Variants in CDK17 observed in about 807,000 individuals in gnomAD.
CDK17 encodes cyclin dependent kinase 17.
In CDK17, 24 loss-of-function variants were observed where a neutral mutation model predicts 77.6. The observed-to-expected ratio is 0.31, with a 90% CI of 0.22 to 0.44. The LOEUF (loss-of-function observed/expected upper bound fraction) is 0.44, where lower values mean the gene tolerates loss of function less well. Ranked by LOEUF, CDK17 falls within the 20% of genes least tolerant of loss-of-function variation. The pLI is 1.00. For synonymous variants in CDK17, 203 were observed against 210.4 expected (o/e 0.96, Z 0.30); for missense variants, 429 against 622.5 (o/e 0.69, Z 3.31).
chr12:96,297,031 T>C (rs1055719682), intron 9 of CDK17, among the ~76,000 whole-genome samples: 2 of 152,160 alleles, frequency 1.3e-5, no homozygotes, highest in Non-Finnish European at 2.9e-5. Flanking sequence ...GGACAATCAG[T>C]TGTAATGTGA....
chr12:96,380,832 T>C (rs1319530279), intron 1 of CDK17, among the ~76,000 whole-genome samples: 1 of 152,226 alleles, frequency 6.6e-6, no homozygotes, highest in African/African-American at 2.4e-5. Context: ...CCTTTATCTC[T>C]ATTTCTATCA....
At chr12:96,376,341 C>T (rs950343034) in intron 1 of CDK17, among the ~76,000 whole-genome samples, 5 of 152,176 alleles carry the variant, frequency 3.3e-5, no homozygotes, top group African/African-American at 9.7e-5. Flanking sequence ...ATGATCCTCA[C>T]CTAATTCTAA....
intron 3 of CDK17, among the ~76,000 whole-genome samples, chr12:96,322,613 A>G (rs1467484742): frequency 6.6e-6 from 1 of 152,030 alleles, no homozygotes; most frequent in Non-Finnish European, 1.5e-5. Flanking sequence ...ACATGACAAC[A>G]CTGAACATAT....
intron 2 of CDK17, among the ~76,000 whole-genome samples, chr12:96,327,248 C>T (rs1456243529): frequency 6.6e-6 from 1 of 152,106 alleles, no homozygotes; most frequent in Non-Finnish European, 1.5e-5. Flanking sequence ...TTGTAACTTC[C>T]TTTATATTTG....
chr12:96,347,907 T>C (rs909640204), intron 1 of CDK17, among the ~76,000 whole-genome samples: 4 of 151,800 alleles, frequency 2.6e-5, no homozygotes, highest in Non-Finnish European at 4.4e-5. Flanking sequence ...AACCGGAAAA[T>C]TTGTGCATAT....
chr12:96,286,592 T>C, intron 12 of CDK17, 72 bp downstream of exon 12: 1 of 1,026,180 alleles, frequency 9.7e-7, no homozygotes, highest in East Asian at 2.4e-5. Context: ...AAATATGTAT[T>C]TTAGAGATAC....
chr12:96,397,806 C>G (rs1407565978), intron 1 of CDK17, among the ~76,000 whole-genome samples: 1 of 151,984 alleles, frequency 6.6e-6, no homozygotes, highest in African/African-American at 2.4e-5. Context: ...GTACATAAAA[C>G]AACAATTATT....
At chr12:96,320,188 G>A (rs1952796615) in intron 3 of CDK17, among the ~76,000 whole-genome samples, 1 of 151,300 alleles carries the variant, frequency 6.6e-6, no homozygotes, top group Non-Finnish European at 1.5e-5. Context: ...GCCAAATCAT[G>A]AGTGAACTCC....
intron 1 of CDK17, among the ~76,000 whole-genome samples, chr12:96,345,283 G>A (rs1014256321): frequency 1.3e-5 from 2 of 152,196 alleles, no homozygotes; most frequent in African/African-American, 2.4e-5. Flanking sequence ...GTGCTGCAAT[G>A]AACATACACA....
At chr12:96,398,988 G>A (rs1366228370) in intron 1 of CDK17, 1 of 152,188 alleles carries the variant, frequency 6.6e-6, no homozygotes, top group Non-Finnish European at 1.5e-5. Flanking sequence ...AAAAGGAAAG[G>A]GTGGGAGGAA....
At chr12:96,389,829 T>C (rs1318999551) in intron 1 of CDK17, among the ~76,000 whole-genome samples, 1 of 49,126 alleles carries the variant, frequency 2.0e-5, no homozygotes, top group Non-Finnish European at 3.4e-5. Context: ...TGTTTGTTTG[T>C]TTTTTGTTTT....
At chr12:96,297,764 T>C (rs1952429808) in intron 7 of CDK17, 43 bp from the exon 8 acceptor site, 1 of 1,091,304 alleles carries the variant, frequency 9.2e-7, no homozygotes, top group Admixed American at 2.0e-5. Flanking sequence ...GTGGCAGTCT[T>C]TATAAAAACC....
intron 1 of CDK17, among the ~76,000 whole-genome samples, chr12:96,383,171 A>G (rs542263389): frequency 6.6e-6 from 1 of 152,164 alleles, no homozygotes; most frequent in African/African-American, 2.4e-5. Context: ...ATAGCCCCCC[A>G]AAAAATGAAG....
chr12:96,282,276 G>T, intron 15 of CDK17: 1 of 394,828 alleles, frequency 2.5e-6, no homozygotes, highest in African/African-American at 2.0e-5. Flanking sequence ...AATGATCCTT[G>T]CCTAAGTACT....
intron 1 of CDK17, among the ~76,000 whole-genome samples, chr12:96,363,242 G>A (rs1481330433): frequency 6.6e-6 from 1 of 150,884 alleles, no homozygotes; most frequent in East Asian, 2.0e-4. Context: ...CCTGAGGTCA[G>A]GAGTTCAAGA....
chr12:96,331,090 G>A (rs1952960252), intron 2 of CDK17, among the ~76,000 whole-genome samples: 1 of 152,148 alleles, frequency 6.6e-6, no homozygotes, highest in African/African-American at 2.4e-5. Flanking sequence ...CTACAGGCGT[G>A]CGCCACCACA....
At chr12:96,331,424 A>C (rs1952965276) in intron 2 of CDK17, among the ~76,000 whole-genome samples, 1 of 152,174 alleles carries the variant, frequency 6.6e-6, no homozygotes, top group South Asian at 2.1e-4. Context: ...TATTGAGTTA[A>C]GGCCAGAATC....
At chr12:96,358,896 G>C (rs1049198110) in intron 1 of CDK17, among the ~76,000 whole-genome samples, 1 of 124,150 alleles carries the variant, frequency 8.1e-6, no homozygotes, top group Non-Finnish European at 1.6e-5. Flanking sequence ...AGTCAAAAGA[G>C]TGAATTTCTT....
chr12:96,297,530 G>A, intron 8 of CDK17, 97 bp downstream of exon 8: 1 of 896,450 alleles, frequency 1.1e-6, no homozygotes, highest in Non-Finnish European at 1.8e-6. Flanking sequence ...GCTAAGCACA[G>A]CTGCAGTTTA....
Sources: allele counts gnomAD v4.1 joint callset (sites outside exome capture counted in the v4.1 genomes callset), GRCh38; gene constraint gnomAD v4.1.1; transcripts MANE v1.5; gene names NCBI Gene and HGNC (gene_info 2026-07-23, HGNC 2026-07-21).